Variants in RELN observed in about 807,000 individuals in gnomAD.
RELN encodes the protein reelin.
A neutral mutation model predicts 427.6 loss-of-function variants in RELN; 108 were observed. The ratio of observed to expected loss-of-function variants is 0.25; its 90% CI spans 0.22 to 0.30. The LOEUF is 0.30. Among genes scored for constraint, RELN ranks in the 10% least tolerant of loss-of-function variants. The probability of loss-of-function intolerance (pLI) is 1.00; values close to 1 mark genes in which losing one functional copy is unlikely to be tolerated. For missense variants in RELN, 3,715 were observed against 4,302.8 expected (o/e 0.86, Z 3.82); for synonymous variants, 1,524 against 1,513.4 (o/e 1.01, Z -0.16).
intron 4 of RELN, among the ~76,000 whole-genome samples, chr7:103,759,136 T>C (rs772534748): frequency 2.6e-5 from 4 of 152,148 alleles, no homozygotes; most frequent in Non-Finnish European, 1.5e-5. Flanking sequence ...ACTTCTTTTT[T>C]AAAAAATTCA....
intron 36 of RELN, among the ~76,000 whole-genome samples, chr7:103,561,022 T>C (rs362795): frequency 0.021 from 3,121 of 152,236 alleles, 82 homozygotes; most frequent in Admixed American, 0.084. Context: ...TTTCACACAA[T>C]TGCTTAACAT....
intron 31 of RELN, 49 bp from the exon 32 acceptor site, chr7:103,566,808 G>C: frequency 6.4e-7 from 1 of 1,565,492 alleles, no homozygotes; most frequent in Non-Finnish European, 8.8e-7. Flanking sequence ...TCCTAGAGGG[G>C]AAGGAACAGT....
chr7:103,783,043 A>T (rs1791931175), intron 3 of RELN, among the ~76,000 whole-genome samples: 1 of 152,098 alleles, frequency 6.6e-6, no homozygotes, highest in African/African-American at 2.4e-5. Context: ...TATGTGGAAT[A>T]TGGGGGAAAA....
At chr7:103,713,127 G>A (rs1017275106) in intron 8 of RELN, among the ~76,000 whole-genome samples, 6 of 152,078 alleles carry the variant, frequency 3.9e-5, no homozygotes, top group Non-Finnish European at 5.9e-5. Flanking sequence ...CAGAAATCAC[G>A]CCTCTAGATA....
At chr7:103,754,435 G>A (rs1199689144) in intron 4 of RELN, among the ~76,000 whole-genome samples, 1 of 151,768 alleles carries the variant, frequency 6.6e-6, no homozygotes, top group African/African-American at 2.4e-5. Context: ...GCAGGAGGTG[G>A]TGGAGTTACA....
intron 2 of RELN, among the ~76,000 whole-genome samples, chr7:103,886,005 A>G (rs957852655): frequency 3.3e-5 from 5 of 152,164 alleles, no homozygotes; most frequent in African/African-American, 9.7e-5. Context: ...AAGAAGTTAT[A>G]TTATTTGTAA....
At chr7:103,681,418 T>C (rs1833650325) in intron 11 of RELN, among the ~76,000 whole-genome samples, 1 of 152,216 alleles carries the variant, frequency 6.6e-6, no homozygotes, top group Non-Finnish European at 1.5e-5. Flanking sequence ...CATTCATCCT[T>C]ATCACAGTGT....
chr7:103,782,574 C>T (rs1334292720), intron 3 of RELN, among the ~76,000 whole-genome samples: 1 of 152,056 alleles, frequency 6.6e-6, no homozygotes, highest in Non-Finnish European at 1.5e-5. Context: ...AATTATCCCC[C>T]ACAAGGCATT....
intron 1 of RELN, among the ~76,000 whole-genome samples, chr7:103,945,708 G>A (rs190449938): frequency 7.9e-5 from 12 of 152,296 alleles, no homozygotes; most frequent in African/African-American, 2.9e-4. Flanking sequence ...CAAGAGCCAC[G>A]TAAAGACATT....
chr7:103,631,849 T>C (rs1832475326), intron 19 of RELN, among the ~76,000 whole-genome samples: 1 of 152,006 alleles, frequency 6.6e-6, no homozygotes, highest in South Asian at 2.1e-4. Flanking sequence ...AATGAAGATA[T>C]CAGTCATGGA....
intron 1 of RELN, among the ~76,000 whole-genome samples, chr7:103,979,962 G>A (rs748134596): frequency 5.3e-4 from 81 of 152,250 alleles, no homozygotes; most frequent in Middle Eastern, 3.4e-3. Context: ...GGGAGTGCGA[G>A]ACCAACCTGA....
At position 103,917,076 on chromosome 7, in the gene RELN, A is replaced by G. The variant is rs961656421; in HGVS notation, c.336T>C (p.Phe112=). 2.5e-6 allele frequency: 4 copies of G among 1,611,976 alleles called. No homozygotes were observed. The highest frequency in any genetic ancestry group is 1.7e-4 in the Middle Eastern group (1 of 6,054). The change falls in exon 2 of 65, where the codon TTT becomes TTC. Residue 112 remains phenylalanine, a splice_region_variant and synonymous_variant. Transcript: ENST00000428762. ...QSIGGSSAFG[F]GIMSDHQFGN... is the part of the protein sequence containing the mutation. Reference sequence around the variant, plus strand: ...TTCTGGTTTGTGAGAATAGCTTACCAAATCCGAAAGCACTGGAACCTCCAA... The same window carrying G: ...TTCTGGTTTGTGAGAATAGCTTACCGAATCCGAAAGCACTGGAACCTCCAA...
intron 40 of RELN, among the ~76,000 whole-genome samples, chr7:103,551,895 C>A (rs537644515): frequency 6.6e-6 from 1 of 151,732 alleles, no homozygotes; most frequent in African/African-American, 2.4e-5. Context: ...AGTGAATTAA[C>A]CTATCTATCA....
At chr7:103,909,695 A>ATT (rs1795301377) in intron 2 of RELN, among the ~76,000 whole-genome samples, 5 of 69,182 alleles carry the variant, frequency 7.2e-5, no homozygotes, top group Non-Finnish European at 9.9e-5. Flanking sequence ...ATAAATATAT[A>ATT]TATTTAATAT....
At chr7:103,617,865 A>G (rs1255845707) in intron 20 of RELN, among the ~76,000 whole-genome samples, 1 of 151,926 alleles carries the variant, frequency 6.6e-6, no homozygotes, top group Non-Finnish European at 1.5e-5. Context: ...TTCTTGCTTT[A>G]TTAGTTTCCC....
At chr7:103,841,429 T>C (rs1291450769) in intron 2 of RELN, among the ~76,000 whole-genome samples, 2 of 152,186 alleles carry the variant, frequency 1.3e-5, no homozygotes, top group African/African-American at 2.4e-5. Flanking sequence ...TAGGAATCAA[T>C]AGCAGAGTTT....
intron 1 of RELN, among the ~76,000 whole-genome samples, chr7:103,932,383 C>G (rs1795885666): frequency 6.6e-6 from 1 of 152,076 alleles, no homozygotes; most frequent in South Asian, 2.1e-4. Flanking sequence ...CTGGGTTCTA[C>G]TTGAGGATGG....
intron 18 of RELN, 43 bp from the exon 19 acceptor site, chr7:103,635,629 T>C: frequency 6.6e-7 from 1 of 1,524,254 alleles, no homozygotes. Context: ...ATAAACATTT[T>C]TAATCATAAT....
At chr7:103,891,573 T>C (rs975704096) in intron 2 of RELN, among the ~76,000 whole-genome samples, 1 of 152,062 alleles carries the variant, frequency 6.6e-6, no homozygotes, top group African/African-American at 2.4e-5. Context: ...AGTTCCCTTC[T>C]CCTCTACTCC....
Sources: gnomAD v4.1 joint callset for allele counts (sites outside exome capture counted in the v4.1 genomes callset) on GRCh38, gnomAD v4.1.1 for gene constraint, MANE v1.5 for transcripts, NCBI Gene and HGNC (gene_info 2026-07-23, HGNC 2026-07-21) for gene names.